The following TRIP12 variants were observed in gnomAD, a reference collection of about 807,000 sequenced individuals.
TRIP12 encodes the protein thyroid hormone receptor interactor 12.
TRIP12 carries 25 observed loss-of-function variants against 244.2 expected under a neutral mutation model. That is an observed-to-expected ratio of 0.10 (90% CI 0.07 to 0.14). The LOEUF (loss-of-function observed/expected upper bound fraction) is 0.14. TRIP12 is among the 10% of genes least tolerant of loss of function. The probability of loss-of-function intolerance (pLI) is 1.00; values close to 1 mark genes in which losing one functional copy is unlikely to be tolerated. For missense variants in TRIP12, 1,677 were observed against 2,486.4 expected, an observed-to-expected ratio of 0.67 and a Z score of 6.92; for synonymous variants, 905 against 873.1, an observed-to-expected ratio of 1.04 and a Z score of -0.64.
intron 18 of TRIP12, among the ~76,000 whole-genome samples, chr2:229,804,458 G>A (rs1449322480): frequency 6.6e-6 from 1 of 152,132 alleles, no homozygotes; most frequent in Admixed American, 6.5e-5. Flanking sequence ...ACCCATTGGG[G>A]CCAGCTGAAA....
chr2:229,852,013 G>C (rs2058808251), intron 4 of TRIP12, among the ~76,000 whole-genome samples: 1 of 152,154 alleles, frequency 6.6e-6, no homozygotes, highest in Non-Finnish European at 1.5e-5. Context: ...CGTGCTAGGG[G>C]CCCAAAGCAC....
At chr2:229,799,203 T>A in intron 22 of TRIP12, 80 bp downstream of exon 22, 1 of 1,539,642 alleles carries the variant, frequency 6.5e-7, no homozygotes, top group South Asian at 1.1e-5. Flanking sequence ...CAAGAGCTAC[T>A]GGCAGTTTTA....
chr2:229,853,710 A>AT (rs1323186030), intron 4 of TRIP12, among the ~76,000 whole-genome samples: 1 of 151,552 alleles, frequency 6.6e-6, no homozygotes, highest in Non-Finnish European at 1.5e-5. Flanking sequence ...ATACATGACC[A>AT]TAACTCTCAA....
intron 6 of TRIP12, among the ~76,000 whole-genome samples, chr2:229,834,586 C>T (rs1293594114): frequency 3.3e-5 from 5 of 152,092 alleles, no homozygotes; most frequent in African/African-American, 9.7e-5. Context: ...ATGGTGAAAC[C>T]CCTTCTGTAC....
At chr2:229,837,083 T>C (rs999090679) in intron 5 of TRIP12, 99 bp from the exon 6 acceptor site, 1 of 1,250,366 alleles carries the variant, frequency 8.0e-7, no homozygotes, top group African/African-American at 1.5e-5. Flanking sequence ...AAAGCCAGTT[T>C]CTTCTTCGTC....
chr2:229,869,200 T>A (rs1170782497), intron 2 of TRIP12, among the ~76,000 whole-genome samples: 1 of 152,186 alleles, frequency 6.6e-6, no homozygotes, highest in Non-Finnish European at 1.5e-5. Flanking sequence ...ATTTTAACTA[T>A]GCCCTATTTC....
In TRIP12 at chr2:229,792,045, T is replaced by C. The variant is rs1294548096; in HGVS notation, c.4236A>G (p.Ser1412=). 1 of 1,614,104 alleles carries C rather than the reference T, an allele frequency of 6.2e-7. No homozygotes were observed. The highest frequency in any genetic ancestry group is 1.3e-5 in the African/African-American group (1 of 75,044). The part of the protein sequence containing the change: ...DESLAAQFLN[S]GNVRHRLQFY... ...ACTGCAGCCTGTGTCTTACATTTCC[T>C]GAATTTAGGAACTGAGCAGCCTGAA... Residue 1412 remains serine, a synonymous_variant, in exon 29 of 42, where the codon TCA becomes TCG. Coordinates refer to ENST00000675903, the MANE Select transcript of TRIP12 (RefSeq NM_001348323.3).
Position 229,872,104 on chromosome 2 carries a change from T to TAAAAA in TRIP12, c.98+7873_98+7877dup, listed in dbSNP as rs34496202. Among the ~76,000 whole-genome samples the TAAAAA allele has an allele frequency of 1.1e-3, 111 of 105,240 alleles. 5 individuals are homozygous for TAAAAA. Among genetic ancestry groups the TAAAAA allele is most frequent in the East Asian group, 1.4e-3 (5 of 3,484 alleles). 69.0% of individuals were successfully genotyped at this position (105,240 alleles called of 152,430 possible). ...AATATAGTTTTAATGACAGATATTGTAAAAAAAAAAAAAAAAAAAAAAAAA... is the reference window on the plus strand; with the variant it reads ...AATATAGTTTTAATGACAGATATTGTAAAAAAAAAAAAAAAAAAAAAAAAAAAAAA... On this transcript the variant is annotated intron_variant, in intron 2 of 41. Coordinates refer to ENST00000675903, the MANE Select transcript of TRIP12 (RefSeq NM_001348323.3).
chr2:229,771,289 G>C (rs1250325419), intron 39 of TRIP12, among the ~76,000 whole-genome samples: 1 of 152,200 alleles, frequency 6.6e-6, no homozygotes, highest in African/African-American at 2.4e-5. Context: ...TGACAAAGAT[G>C]CTATGCTTAC....
At chr2:229,920,764 G>A (rs1436216135) in intron 1 of TRIP12, among the ~76,000 whole-genome samples, 1 of 152,036 alleles carries the variant, frequency 6.6e-6, no homozygotes, top group African/African-American at 2.4e-5. Flanking sequence ...TTCCGTCTAG[G>A]AAATGAAGGA....
At chr2:229,858,311 C>T (rs1411457862) in intron 4 of TRIP12, among the ~76,000 whole-genome samples, 1 of 152,016 alleles carries the variant, frequency 6.6e-6, no homozygotes, top group Admixed American at 6.6e-5. Flanking sequence ...TGCAGTGAGC[C>T]GAGACTGCGC....
At chr2:229,870,568 T>G (rs2062381697) in intron 2 of TRIP12, among the ~76,000 whole-genome samples, 1 of 152,176 alleles carries the variant, frequency 6.6e-6, no homozygotes, top group Admixed American at 6.5e-5. Context: ...GAATGGATCT[T>G]GAAAGACTGG....
intron 8 of TRIP12, among the ~76,000 whole-genome samples, chr2:229,823,920 C>A (rs1190477347): frequency 1.3e-5 from 2 of 151,984 alleles, no homozygotes; most frequent in East Asian, 1.9e-4. Context: ...AAAAAAAGTT[C>A]TTTAGGCTAG....
intron 1 of TRIP12, among the ~76,000 whole-genome samples, chr2:229,910,493 CTGAG>C (rs1368940123): frequency 2.0e-5 from 3 of 152,106 alleles, no homozygotes; most frequent in Admixed American, 2.0e-4. Flanking sequence ...AAGAAATAAA[CTGAG>C]TATCAATTAA....
chr2:229,888,373 C>G (rs1310570970), intron 1 of TRIP12, among the ~76,000 whole-genome samples: 1 of 151,872 alleles, frequency 6.6e-6, no homozygotes. Context: ...TCTATTTTCT[C>G]TATGAAAAAC....
chr2:229,881,325 C>A (rs796612478), intron 1 of TRIP12, among the ~76,000 whole-genome samples: 1 of 152,172 alleles, frequency 6.6e-6, no homozygotes, highest in South Asian at 2.1e-4. Context: ...TTACGACATG[C>A]ACAAATAAAA....
At chr2:229,837,107 AAAGT>A (rs1292267315) in intron 5 of TRIP12, 123 bp from the exon 6 acceptor site, 4 of 1,061,580 alleles carry the variant, frequency 3.8e-6, no homozygotes, top group Non-Finnish European at 4.9e-6. Context: ...TTTTTAAATA[AAAGT>A]AAGTGCACAA....
chr2:229,798,043 C>G (rs1021113432), intron 23 of TRIP12, among the ~76,000 whole-genome samples: 6 of 152,180 alleles, frequency 3.9e-5, no homozygotes, highest in African/African-American at 1.4e-4. Flanking sequence ...AAATACACTG[C>G]AGGTCATTAC....
chr2:229,864,047 A>AGAGAGAGAGAGAGAGAGTGTGTGT lies in TRIP12; in HGVS notation c.99-3517_99-3516insACACACACTCTCTCTCTCTCTCTC. On this transcript the variant is annotated intron_variant, in intron 2 of 41. Coordinates refer to ENST00000675903, the MANE Select transcript of TRIP12 (RefSeq NM_001348323.3). ...GAGAGAGAGAGAGAGAGAGAGAGAGAGTGTGTGTGTGTGTGTGTGTGTGTG... is the reference window on the plus strand; with the variant it reads ...GAGAGAGAGAGAGAGAGAGAGAGAGAGAGAGAGAGAGAGAGAGTGTGTGTGTGTGTGTGTGTGTGTGTGTGTGTG... 2.0e-4 allele frequency among the ~76,000 whole-genome samples: 16 copies of AGAGAGAGAGAGAGAGAGTGTGTGT among 79,314 alleles called. No individual in the cohort carries two copies. The South Asian group carries it at 2.1e-3, about 10-fold the overall frequency. The allele number at this position is 79,314 out of a possible 152,430, so 52.0% of individuals were successfully genotyped here.
Sources: allele counts gnomAD v4.1 joint callset (sites outside exome capture counted in the v4.1 genomes callset), GRCh38; gene constraint gnomAD v4.1.1; transcripts MANE v1.5; gene names NCBI Gene and HGNC (gene_info 2026-07-23, HGNC 2026-07-21).